Variants in CDK14 observed in about 807,000 individuals in gnomAD.
The protein encoded by CDK14 is cyclin-dependent kinase 14.
In CDK14, 34 loss-of-function variants were observed where a neutral mutation model predicts 60.7. That is an observed-to-expected ratio of 0.56 (90% CI 0.43 to 0.75). The LOEUF (loss-of-function observed/expected upper bound fraction) is 0.75. Among genes scored for constraint, CDK14 ranks in the 30% least tolerant of loss-of-function variants. CDK14 has a pLI of 0.00. For missense variants in CDK14, 482 were observed against 564.1 expected (o/e 0.85, Z 1.47); for synonymous variants, 197 against 203.7 (o/e 0.97, Z 0.28).
At chr7:91,110,204 A>G (rs1426563132) in intron 12 of CDK14, among the ~76,000 whole-genome samples, 6 of 152,170 alleles carry the variant, frequency 3.9e-5, no homozygotes, top group Non-Finnish European at 8.8e-5. Flanking sequence ...GAGACTTAAA[A>G]TGAAATTTCT....
At chr7:91,143,941 A>G (rs2115635297) in intron 14 of CDK14, among the ~76,000 whole-genome samples, 1 of 152,268 alleles carries the variant, frequency 6.6e-6, no homozygotes, top group East Asian at 1.9e-4. Context: ...TTTGTAAGCT[A>G]GAAAGAGGTC....
At chr7:90,660,138 T>C (rs1800839532) in intron 2 of CDK14, among the ~76,000 whole-genome samples, 6 of 152,164 alleles carry the variant, frequency 3.9e-5, no homozygotes, top group Admixed American at 3.9e-4. Context: ...TGCATAATCA[T>C]TTTAGTAACA....
chr7:90,900,369 C>T (rs1024826159), intron 7 of CDK14, among the ~76,000 whole-genome samples: 2 of 151,870 alleles, frequency 1.3e-5, no homozygotes, highest in African/African-American at 4.8e-5. Flanking sequence ...TTTGACTGTT[C>T]ATTTTTCTTA....
intron 2 of CDK14, among the ~76,000 whole-genome samples, chr7:90,610,038 T>G (rs1175911594): frequency 6.6e-6 from 1 of 152,238 alleles, no homozygotes; most frequent in East Asian, 1.9e-4. Context: ...ATCTTTCCTG[T>G]TTAGCTTTCT....
At chr7:90,945,613 C>T (rs1361745537) in intron 8 of CDK14, among the ~76,000 whole-genome samples, 1 of 152,208 alleles carries the variant, frequency 6.6e-6, no homozygotes, top group East Asian at 1.9e-4. Context: ...ATATACTGAG[C>T]TCACTTTTCT....
chr7:90,600,129 G>A (rs1338879826), intron 1 of CDK14, among the ~76,000 whole-genome samples: 1 of 152,096 alleles, frequency 6.6e-6, no homozygotes, highest in Non-Finnish European at 1.5e-5. Context: ...GAGTGTAATT[G>A]AATTTTAAAG....
intron 12 of CDK14, among the ~76,000 whole-genome samples, chr7:91,104,474 G>A (rs1799230290): frequency 6.6e-6 from 1 of 152,030 alleles, no homozygotes; most frequent in Non-Finnish European, 1.5e-5. Flanking sequence ...TCTCTAAATG[G>A]CTCCATCTTC....
At chr7:90,775,019 A>T (rs973092119) in intron 4 of CDK14, among the ~76,000 whole-genome samples, 2 of 152,100 alleles carry the variant, frequency 1.3e-5, no homozygotes, top group African/African-American at 4.8e-5. Flanking sequence ...GGTGCATCTC[A>T]TTTCACTGCT....
intron 10 of CDK14, among the ~76,000 whole-genome samples, chr7:91,029,998 A>G (rs949224578): frequency 1.2e-4 from 18 of 152,334 alleles, no homozygotes; most frequent in African/African-American, 4.3e-4. Context: ...CCCAGAGAGT[A>G]TGATGAGGAT....
chr7:91,095,536 A>G (rs897748460), intron 12 of CDK14, among the ~76,000 whole-genome samples: 1 of 152,228 alleles, frequency 6.6e-6, no homozygotes, highest in Non-Finnish European at 1.5e-5. Context: ...CAAAATTCTC[A>G]TTATTTTATT....
chr7:90,898,548 AAAT>A (rs1328031512), intron 6 of CDK14, among the ~76,000 whole-genome samples: 3 of 152,104 alleles, frequency 2.0e-5, no homozygotes, highest in African/African-American at 7.2e-5. Context: ...CACTCCAATA[AAAT>A]AATAAAAATG....
intron 5 of CDK14, among the ~76,000 whole-genome samples, chr7:90,802,852 A>G (rs1788692744): frequency 2.0e-5 from 3 of 152,252 alleles, no homozygotes; most frequent in Admixed American, 2.0e-4. Flanking sequence ...AAGGAGATCA[A>G]GAAGAGTTAT....
chr7:91,071,768 C>T (rs1355587415), intron 11 of CDK14, among the ~76,000 whole-genome samples: 2 of 152,182 alleles, frequency 1.3e-5, no homozygotes, highest in Non-Finnish European at 2.9e-5. Context: ...ACTAAGCTCC[C>T]AGGGCGGGGT....
At chr7:91,202,162 CA>C (rs1243221451) in intron 14 of CDK14, among the ~76,000 whole-genome samples, 1 of 152,032 alleles carries the variant, frequency 6.6e-6, no homozygotes, top group African/African-American at 2.4e-5. Flanking sequence ...AAATTGAATC[CA>C]AAAAATATCT....
intron 5 of CDK14, among the ~76,000 whole-genome samples, chr7:90,791,303 A>G (rs552178669): frequency 9.7e-4 from 147 of 152,172 alleles, no homozygotes; most frequent in Non-Finnish European, 1.9e-3. Flanking sequence ...AGAATAAAAT[A>G]TCTTTTTTTT....
intron 10 of CDK14, among the ~76,000 whole-genome samples, chr7:91,033,612 AGCAGGG>A (rs1483243853): frequency 1.3e-5 from 2 of 152,216 alleles, no homozygotes; most frequent in Non-Finnish European, 2.9e-5. Context: ...CACTTTGAGC[AGCAGGG>A]CTGTAGCATC....
At chr7:90,850,711 G>T (rs1281342179) in intron 5 of CDK14, among the ~76,000 whole-genome samples, 1 of 152,132 alleles carries the variant, frequency 6.6e-6, no homozygotes, top group Non-Finnish European at 1.5e-5. Flanking sequence ...AGGGAGTCGG[G>T]AGCTGCATGG....
At position 90,665,558 on chromosome 7, in the gene CDK14, G is replaced by T. The variant is rs77275734; in HGVS notation, c.124-61009G>T. On this transcript the variant is annotated intron_variant, in intron 2 of 14. Transcript: ENST00000380050. ...TCAGTCCGGGTTATTAATTGAAAGT[G>T]CAATAGGAGAAATGATGATAGAGTA... 5.2e-3 allele frequency among the ~76,000 whole-genome samples: 787 copies of T among 152,312 alleles called. 12 individuals carry two copies. Among genetic ancestry groups the T allele is most frequent in the African/African-American group, 0.018 (754 of 41,562 alleles).
chr7:90,747,958 G>C (rs1264528755), intron 4 of CDK14, among the ~76,000 whole-genome samples, 183 bp downstream of exon 4: 1 of 130,884 alleles, frequency 7.6e-6, no homozygotes, highest in African/African-American at 3.0e-5. Flanking sequence ...TACCCTGCTA[G>C]TAAACAGTTT....
Sources: allele counts gnomAD v4.1 joint callset (sites outside exome capture counted in the v4.1 genomes callset), GRCh38; gene constraint gnomAD v4.1.1; transcripts MANE v1.5; gene names NCBI Gene and HGNC (gene_info 2026-07-23, HGNC 2026-07-21).